The following CSMD2 variants were observed in gnomAD, a reference collection of about 807,000 sequenced individuals.
CSMD2 encodes the protein CUB and Sushi multiple domains 2, also known as CUB and sushi domain-containing protein 2.
In CSMD2, 130 loss-of-function variants were observed where a neutral mutation model predicts 398.5. The ratio of observed to expected loss-of-function variants is 0.33; its 90% confidence interval spans 0.28 to 0.38. CSMD2 has a LOEUF of 0.38. Among genes scored for constraint, CSMD2 ranks in the 10% least tolerant of loss-of-function variants. The pLI is 1.00. For missense variants in CSMD2, 3,829 were observed against 4,764.9 expected (o/e 0.80, Z 5.78); for synonymous variants, 1,828 against 1,908.5 (o/e 0.96, Z 1.10).
chr1:34,144,791 G>C (rs958543286), intron 1 of CSMD2, among the ~76,000 whole-genome samples: 9 of 152,206 alleles, frequency 5.9e-5, no homozygotes, highest in Non-Finnish European at 1.3e-4. Context: ...TCCCTGCCTG[G>C]GGTTCCCAGA....
At chr1:34,001,922 A>T (rs1646917333) in intron 3 of CSMD2, among the ~76,000 whole-genome samples, 1 of 152,212 alleles carries the variant, frequency 6.6e-6, no homozygotes, top group African/African-American at 2.4e-5. Flanking sequence ...TAAAAAGGAT[A>T]ATAATGACTG....
intron 2 of CSMD2, among the ~76,000 whole-genome samples, chr1:34,035,206 A>G (rs1417664014): frequency 6.6e-6 from 1 of 152,206 alleles, no homozygotes; most frequent in Non-Finnish European, 1.5e-5. Flanking sequence ...TATTAAGGAG[A>G]TTGAATTAGT....
At chr1:33,707,658 G>A (rs1645831738) in intron 22 of CSMD2, among the ~76,000 whole-genome samples, 1 of 149,188 alleles carries the variant, frequency 6.7e-6, no homozygotes, top group African/African-American at 2.5e-5. Context: ...AGTGAGAAAT[G>A]CATTTCAAAC....
At chr1:33,864,983 T>TGGGGAGAGTGAGGAGG (rs1639907605) in intron 5 of CSMD2, among the ~76,000 whole-genome samples, 1 of 43,520 alleles carries the variant, frequency 2.3e-5, no homozygotes, top group Non-Finnish European at 4.5e-5. Context: ...AGGAGGGGAA[T>TGGGGAGAGTGAGGAGG]GGAGGGGAGG....
intron 19 of CSMD2, among the ~76,000 whole-genome samples, chr1:33,720,811 C>T (rs1449376709): frequency 6.6e-6 from 1 of 152,172 alleles, no homozygotes; most frequent in African/African-American, 2.4e-5. Context: ...AATTCTCCTG[C>T]CTCAGCCTCC....
At chr1:33,549,227 C>G (rs2148623466) in intron 56 of CSMD2, among the ~76,000 whole-genome samples, 1 of 152,248 alleles carries the variant, frequency 6.6e-6, no homozygotes, top group South Asian at 2.1e-4. Context: ...GAGAAGGCTT[C>G]TGTATTAGGA....
chr1:34,046,730 A>C (rs1156412938), intron 2 of CSMD2, among the ~76,000 whole-genome samples: 1 of 152,196 alleles, frequency 6.6e-6, no homozygotes, highest in Non-Finnish European at 1.5e-5. Context: ...TTTTCTCATC[A>C]ATCATTCATT....
At chr1:33,728,762 A>G (rs567482562) in intron 15 of CSMD2, among the ~76,000 whole-genome samples, 1 of 152,244 alleles carries the variant, frequency 6.6e-6, no homozygotes, top group Non-Finnish European at 1.5e-5. Flanking sequence ...CAATGGCAAC[A>G]CTAAATGGCA....
chr1:33,586,648 C>G, intron 45 of CSMD2, 31 bp from the exon 46 acceptor site: 1 of 1,417,852 alleles, frequency 7.1e-7, no homozygotes, highest in Non-Finnish European at 1.0e-6. Context: ...TGTAGACCCT[C>G]TTAAGAAGTC....
At chr1:34,070,294 T>A (rs915793742) in intron 2 of CSMD2, among the ~76,000 whole-genome samples, 1 of 152,156 alleles carries the variant, frequency 6.6e-6, no homozygotes, top group African/African-American at 2.4e-5. Flanking sequence ...TAGAATCCCG[T>A]CTCTGGTAGG....
intron 25 of CSMD2, among the ~76,000 whole-genome samples, chr1:33,665,467 T>C (rs967603231): frequency 1.5e-4 from 21 of 143,100 alleles, no homozygotes; most frequent in African/African-American, 5.4e-4. Flanking sequence ...TCTCTTTTTT[T>C]TTTTTTTTTT....
Position 33,859,787 on chromosome 1 carries a change from G to A in CSMD2, c.921-12791C>T, listed in dbSNP as rs140532120. On this transcript the variant is annotated intron_variant, in intron 5 of 70. Transcript: ENST00000373381. ...GCACTGAGGGTTTTGGAAAGCTTAG[G>A]TGATTCCATCATGCTGCAAAATCTG... is the stretch of plus-strand genomic sequence containing the variant. Among the ~76,000 whole-genome samples, 176 of 152,244 alleles carry A rather than the reference G, an allele frequency of 1.2e-3. 1 individual carries two copies. The highest frequency in any genetic ancestry group is 4.2e-3 in the African/African-American group (173 of 41,520).
intron 47 of CSMD2, among the ~76,000 whole-genome samples, chr1:33,581,791 C>T (rs546772750): frequency 1.9e-4 from 29 of 152,110 alleles, no homozygotes; most frequent in Admixed American, 7.9e-4. Flanking sequence ...AGCTGGATAA[C>T]CCATAACACA....
intron 1 of CSMD2, among the ~76,000 whole-genome samples, chr1:34,142,826 G>A (rs78972724): frequency 0.015 from 2,276 of 152,264 alleles, 49 homozygotes; most frequent in African/African-American, 0.052. Flanking sequence ...TATACAAAAT[G>A]CTTGGCACAG....
At chr1:33,846,771 G>A (rs1314598571) in intron 6 of CSMD2, 113 bp downstream of exon 6, 4 of 543,116 alleles carry the variant, frequency 7.4e-6, no homozygotes, top group Non-Finnish European at 1.3e-5. Context: ...AACGTACAAA[G>A]AAGGCAAGGA....
intron 5 of CSMD2, among the ~76,000 whole-genome samples, chr1:33,861,890 G>T (rs1639543685): frequency 6.6e-6 from 1 of 152,138 alleles, no homozygotes; most frequent in Non-Finnish European, 1.5e-5. Flanking sequence ...AAGTGACCCT[G>T]GGGTGGGGAT....
chr1:34,098,460 GA>G (rs1480702436), intron 1 of CSMD2, among the ~76,000 whole-genome samples: 1 of 149,648 alleles, frequency 6.7e-6, no homozygotes, highest in Admixed American at 6.6e-5. Flanking sequence ...GAAAAAAAAA[GA>G]AAAATAGATT....
At chr1:33,762,106 G>A (rs933756934) in intron 13 of CSMD2, among the ~76,000 whole-genome samples, 2 of 152,248 alleles carry the variant, frequency 1.3e-5, no homozygotes, top group Admixed American at 6.5e-5. Flanking sequence ...GAGGACCACA[G>A]AGTCTGAGGA....
At chr1:33,545,687 T>C (rs1394418300) in intron 57 of CSMD2, among the ~76,000 whole-genome samples, 1 of 152,168 alleles carries the variant, frequency 6.6e-6, no homozygotes, top group African/African-American at 2.4e-5. Context: ...GTCACAAATA[T>C]CCAGACCATG....
Sources: allele counts gnomAD v4.1 joint callset (sites outside exome capture counted in the v4.1 genomes callset), GRCh38; gene constraint gnomAD v4.1.1; transcripts MANE v1.5; gene names NCBI Gene and HGNC (gene_info 2026-07-23, HGNC 2026-07-21).